The following SYNJ1 variants were observed in gnomAD, a reference collection of about 807,000 sequenced individuals.
SYNJ1 encodes synaptojanin 1, also known as polyphosphatidylinositol phosphatase SYNJ1.
A neutral mutation model predicts 168.2 loss-of-function variants in SYNJ1; 78 were observed. The observed-to-expected ratio is 0.46, with a 90% CI of 0.39 to 0.56. The LOEUF (loss-of-function observed/expected upper bound fraction) is 0.56. Among genes scored for constraint, SYNJ1 ranks in the 20% least tolerant of loss-of-function variants. SYNJ1 has a pLI of 0.00. For synonymous variants in SYNJ1, 539 were observed against 548.6 expected (o/e 0.98, Z 0.24); for missense variants, 1,303 against 1,597.6 (o/e 0.82, Z 3.14).
rs2039239988 is a variant in SYNJ1, at chr21:32,629,473, GCTTT to G, written c.*2328_*2331del. The G allele has an allele frequency of 6.6e-6, 1 of 152,562 alleles. No individual in the cohort carries two copies. The highest frequency in any genetic ancestry group is 1.5e-5 in the Non-Finnish European group (1 of 68,014). The allele number at this position is 152,562 out of a possible 1,614,324, so 9.5% of individuals were successfully genotyped here. Reference sequence around the variant, plus strand: ...ATAACATTTGAGCATTTAGAAAAATGCTTTTTTTCTAATAGATTTGCTTTATAAG... The same window carrying G: ...ATAACATTTGAGCATTTAGAAAAATGTTTTCTAATAGATTTGCTTTATAAG... On this transcript the variant is annotated 3_prime_UTR_variant, in exon 33 of 33. Coordinates refer to ENST00000674351, the MANE Select transcript of SYNJ1 (RefSeq NM_203446.3).
intron 2 of SYNJ1, among the ~76,000 whole-genome samples, chr21:32,710,078 C>T (rs2042772957): frequency 6.6e-6 from 1 of 151,928 alleles, no homozygotes; most frequent in Admixed American, 6.6e-5. Context: ...TTGCAGACAC[C>T]TGTAATCCCA....
intron 27 of SYNJ1, 118 bp downstream of exon 27, chr21:32,643,292 A>G: frequency 9.7e-7 from 1 of 1,030,338 alleles, no homozygotes; most frequent in Non-Finnish European, 1.5e-6. Context: ...AGAGAAGTTT[A>G]CAGCTGGACC....
At chr21:32,670,192 A>G in intron 15 of SYNJ1, 96 bp downstream of exon 15, 1 of 1,007,562 alleles carries the variant, frequency 9.9e-7, no homozygotes, top group South Asian at 1.6e-5. Context: ...TCCATTTATT[A>G]TTTCAAACTA....
chr21:32,677,344 T>TA (rs1266637557), intron 12 of SYNJ1, among the ~76,000 whole-genome samples: 1 of 152,188 alleles, frequency 6.6e-6, no homozygotes, highest in Non-Finnish European at 1.5e-5. Flanking sequence ...AACAGTTCCC[T>TA]AATATATCAT....
intron 6 of SYNJ1, among the ~76,000 whole-genome samples, chr21:32,693,615 A>G (rs964785172): frequency 6.6e-6 from 1 of 152,214 alleles, no homozygotes; most frequent in African/African-American, 2.4e-5. Context: ...ATATACTTCA[A>G]GGACTAATAA....
At chr21:32,647,795 C>T (rs1235939303) in intron 23 of SYNJ1, among the ~76,000 whole-genome samples, 1 of 152,180 alleles carries the variant, frequency 6.6e-6, no homozygotes, top group African/African-American at 2.4e-5. Flanking sequence ...AAGAAAACCA[C>T]CCAGTCCTGA....
chr21:32,657,894 T>A, intron 18 of SYNJ1, 22 bp from the exon 19 acceptor site: 1 of 1,593,302 alleles, frequency 6.3e-7, no homozygotes, highest in Non-Finnish European at 8.6e-7. Context: ...ATATACAAAG[T>A]AAGTTATTCC....
intron 26 of SYNJ1, among the ~76,000 whole-genome samples, 200 bp downstream of exon 26, chr21:32,644,768 T>C (rs1456188881): frequency 6.6e-6 from 1 of 152,144 alleles, no homozygotes; most frequent in East Asian, 1.9e-4. Context: ...ATCGACCACA[T>C]TTATTAAAAA....
At chr21:32,668,007 A>C (rs1247753662) in intron 15 of SYNJ1, among the ~76,000 whole-genome samples, 1 of 96,032 alleles carries the variant, frequency 1.0e-5, no homozygotes, top group Non-Finnish European at 2.0e-5. Flanking sequence ...AGAAGAATAT[A>C]TATGTGTGTG....
At chr21:32,639,966 A>C (rs914097653) in intron 29 of SYNJ1, among the ~76,000 whole-genome samples, 187 bp from the exon 30 acceptor site, 2 of 152,292 alleles carry the variant, frequency 1.3e-5, no homozygotes, top group South Asian at 4.1e-4. Flanking sequence ...TTTACTTCTG[A>C]CTATTTACTA....
At position 32,662,902 on chromosome 21, in the gene SYNJ1, C is replaced by T. The variant is rs548568613; in HGVS notation, c.2304+2011G>A. On this transcript the variant is annotated intron_variant, in intron 18 of 32. Transcript: ENST00000674351. ...TGATCCTCGCTGGAAAAAAGGGGAG[C>T]GTGTGACCTTAGGAATCAATGGGGC... Among the ~76,000 whole-genome samples, 7 of 152,192 alleles carry T rather than the reference C, an allele frequency of 4.6e-5. No homozygotes were observed. In the South Asian group the frequency reaches 8.3e-4, roughly 18 times the overall value.
Position 32,699,972 on chromosome 21 carries a change from G to A in SYNJ1, c.345C>T (p.Arg115=), listed in dbSNP as rs2042341939. ...SLRIDSSDED[R]ISEVRKVLNS... ...TCAAAACTTTCCGCACTTCTGAAAT[G>A]CGATCCTCATCTGAAGAATCGATTC... The change falls in exon 4 of 33, where the codon CGC becomes CGT. Residue 115 remains arginine (R), a synonymous_variant. Transcript: ENST00000674351. 1 of 1,614,066 alleles carries A rather than the reference G, an allele frequency of 6.2e-7. No individual in the cohort carries two copies. Among genetic ancestry groups the A allele is most frequent in the Non-Finnish European group, 8.5e-7 (1 of 1,180,044 alleles).
intron 2 of SYNJ1, among the ~76,000 whole-genome samples, chr21:32,719,305 G>A (rs1471710755): frequency 6.6e-6 from 1 of 152,244 alleles, no homozygotes; most frequent in East Asian, 1.9e-4. Flanking sequence ...TTCCTTGGAT[G>A]ATATATATTA....
At chr21:32,712,806 T>C (rs1175785563) in intron 2 of SYNJ1, among the ~76,000 whole-genome samples, 5 of 152,200 alleles carry the variant, frequency 3.3e-5, no homozygotes, top group South Asian at 2.1e-4. Context: ...ATGATTAGAA[T>C]AAACCTCACT....
chr21:32,662,449 T>C (rs1285931401), intron 18 of SYNJ1, among the ~76,000 whole-genome samples: 1 of 152,170 alleles, frequency 6.6e-6, no homozygotes, highest in Admixed American at 6.5e-5. Flanking sequence ...GTACGAGGTA[T>C]GTAGCCTAGG....
Position 32,702,050 on chromosome 21 carries a change from A to G in SYNJ1, c.125-3T>C. ...GATTGCCTCTTTTTCTGCAGATGCT[A>G]CAAAAAAAAGTTTTAGTTTAAGAAA... On this transcript the variant is annotated splice_region_variant and splice_polypyrimidine_tract_variant and intron_variant, in intron 2 of 32. Transcript: ENST00000674351. 6.4e-7 allele frequency: 1 copy of G among 1,552,554 alleles called. No individual in the cohort carries two copies. The highest frequency in any genetic ancestry group is 8.8e-7 in the Non-Finnish European group (1 of 1,140,484).
In SYNJ1 at chr21:32,657,173, C is replaced by T. The variant is rs977088067; in HGVS notation, c.2462-53G>A. 2.5e-5 allele frequency: 31 copies of T among 1,237,414 alleles called. No individual in the cohort carries two copies. In the South Asian group the frequency reaches 3.4e-4, roughly 14 times the overall value. 76.7% of individuals were successfully genotyped at this position (1,237,414 alleles called of 1,614,324 possible). A position where few individuals can be genotyped will look rare whatever the true frequency, so the allele number is the denominator to read the frequency against. On this transcript the variant is annotated intron_variant, in intron 19 of 32. Transcript: ENST00000674351. Reference sequence around the variant, plus strand: ...GAGAAGCTGTATAAGCAGGACAGATCGTGTAGAGCAAAGAGGCATTCTCCT... The same window carrying T: ...GAGAAGCTGTATAAGCAGGACAGATTGTGTAGAGCAAAGAGGCATTCTCCT...
At chr21:32,710,141 A>C (rs1220560964) in intron 2 of SYNJ1, among the ~76,000 whole-genome samples, 1 of 152,108 alleles carries the variant, frequency 6.6e-6, no homozygotes, top group African/African-American at 2.4e-5. Context: ...TTGAGGTTGC[A>C]GTGAGCCGAG....
intron 23 of SYNJ1, among the ~76,000 whole-genome samples, chr21:32,649,505 T>A (rs180851444): frequency 6.6e-6 from 1 of 152,254 alleles, no homozygotes; most frequent in Admixed American, 6.5e-5. Context: ...AAATCATGTT[T>A]AAGGAAATTT....
Sources: gnomAD v4.1 joint callset for allele counts (sites outside exome capture counted in the v4.1 genomes callset) on GRCh38, gnomAD v4.1.1 for gene constraint, MANE v1.5 for transcripts, NCBI Gene and HGNC (gene_info 2026-07-23, HGNC 2026-07-21) for gene names.